CDH16: variants seen among roughly 807,000 people sequenced by gnomAD.
CDH16 encodes cadherin-16.
CDH16 carries 79 observed loss-of-function variants against 87.6 expected under a neutral mutation model. The observed-to-expected ratio is 0.90, with a 90% CI of 0.75 to 1.09. The LOEUF is 1.09. Among genes scored for constraint, CDH16 ranks in the 50% least tolerant of loss-of-function variants. The probability of loss-of-function intolerance (pLI) is 0.00; values close to 1 mark genes in which losing one functional copy is unlikely to be tolerated. For missense variants in CDH16, 1,124 were observed against 1,071.7 expected (o/e 1.05, Z -0.68); for synonymous variants, 457 against 439.5 (o/e 1.04, Z -0.50).
In CDH16 at chr16:66,912,848, G is replaced by A. The variant is rs201292764; in HGVS notation, c.1098C>T (p.Pro366=). 4.0e-4 allele frequency: 651 copies of A among 1,612,982 alleles called. 1 individual carries two copies. The highest frequency in any genetic ancestry group is 5.1e-4 in the Non-Finnish European group (607 of 1,179,918). The stretch of plus-strand genomic sequence containing the variant: ...ACACAACGTGGGAATTGGGGGAGCC[G>A]GGGGCATCTGCATCCTCTGCTGACA... ...TRLSAEDADA[P]GSPNSHVVYQ... Residue 366 remains proline (P), a synonymous_variant, in exon 10 of 18, where the codon CCC becomes CCT. Transcript: ENST00000299752.
intron 14 of CDH16, 119 bp from the exon 15 acceptor site, chr16:66,910,621 C>A (rs1962371076): frequency 9.3e-7 from 1 of 1,073,666 alleles, no homozygotes; most frequent in African/African-American, 1.6e-5. Flanking sequence ...TGCCATGCTC[C>A]CTCCATGCTT....
In CDH16 at chr16:66,914,240, G is replaced by A. The variant is rs763071477; in HGVS notation, c.756C>T (p.Val252=). The change falls in exon 7 of 18, where the codon GTC becomes GTT. Residue 252 remains valine, a synonymous_variant. Transcript: ENST00000299752. ...EPIHLAENLK[V]LYPHHMAQVH... ...CCTGGGCCATGTGGTGCGGGTATAG[G>A]ACTTTGAGATTCTCTGCCAGGTGGA... 6.2e-7 allele frequency: 1 copy of A among 1,614,162 alleles called. No individual in the cohort carries two copies. The highest frequency in any genetic ancestry group is 8.5e-7 in the Non-Finnish European group (1 of 1,179,996).
chr16:66,913,118 T>A lies in CDH16; in HGVS notation c.1054+13A>T. 6.2e-7 allele frequency: 1 copy of A among 1,601,382 alleles called. No individual in the cohort carries two copies. Among genetic ancestry groups the A allele is most frequent in the Non-Finnish European group, 8.5e-7 (1 of 1,173,898 alleles). ...TAATAGAGACTTCGTCCCTCTCCCA[T>A]CCTGTAGCTCACCTGGTGGACTGAG... On this transcript the variant is annotated intron_variant, in intron 9 of 17. Transcript: ENST00000299752.
Position 66,915,247 on chromosome 16 carries a change from G to C in CDH16, c.556C>G (p.Leu186Val), listed in dbSNP as rs1297799584. 1 of 1,612,940 alleles carries C rather than the reference G, an allele frequency of 6.2e-7. No individual in the cohort carries two copies. Among genetic ancestry groups the C allele is most frequent in the East Asian group, 2.2e-5 (1 of 44,856 alleles). Reference protein sequence around the residue: ...SPDMFQLEPRLGALALSPKGS... With the variant: ...SPDMFQLEPRVGALALSPKGS... ...TTGGGGCTGAGGGCCAGAGCCCCCA[G>C]CCGAGGCTCCAGCTGGAACATGTCT... Residue 186 changes from leucine (L) to valine (V), a missense_variant, in exon 6 of 18, where the codon CTG becomes GTG. Physicochemically the swap from Leu to Val is conservative, Grantham distance 32. Coordinates refer to ENST00000299752, the MANE Select transcript of CDH16 (RefSeq NM_004062.4).
Position 66,911,300 on chromosome 16 carries a change from A to C in CDH16, c.1806T>G (p.Asn602Lys). 1 of 1,613,484 alleles carries C rather than the reference A, an allele frequency of 6.2e-7. No homozygotes were observed. ...CAATGCAGAGCCAGCCCTCTGAGTC[A>C]TTGACTAGGGAGAACCTGCCGCCCA... The part of the protein sequence containing the change: ...ISRTLRFSLV[N>K]DSEGWLCIEK... The change falls in exon 14 of 18, where the codon AAT (asparagine) becomes AAG (lysine). Residue 602 changes from asparagine (N) to lysine (K), a missense_variant. Transcript: ENST00000299752.
At chr16:66,911,374 A>T (rs1962409425) in intron 13 of CDH16, 59 bp from the exon 14 acceptor site, 1 of 1,567,268 alleles carries the variant, frequency 6.4e-7, no homozygotes, top group African/African-American at 1.4e-5. Flanking sequence ...TTTTGCTCAG[A>T]ATCCCCCAGG....
At chr16:66,915,825 G>A (rs1480009964) in intron 5 of CDH16, among the ~76,000 whole-genome samples, 1 of 152,240 alleles carries the variant, frequency 6.6e-6, no homozygotes, top group Non-Finnish European at 1.5e-5. Context: ...AAACCTAGGA[G>A]GTGGAGGTTG....
chr16:66,915,820 T>A (rs1236911377), intron 5 of CDH16, among the ~76,000 whole-genome samples: 1 of 151,972 alleles, frequency 6.6e-6, no homozygotes, highest in Non-Finnish European at 1.5e-5. Flanking sequence ...TGCTTAAACC[T>A]AGGAGGTGGA....
At position 66,909,531 on chromosome 16, in the gene CDH16, C is replaced by G; in HGVS notation, c.2276-148G>C. 1.6e-6 allele frequency: 1 copy of G among 639,136 alleles called. No individual in the cohort carries two copies. The allele number at this position is 639,136 out of a possible 1,614,324, so 39.6% of individuals were successfully genotyped here. On this transcript the variant is annotated intron_variant, in intron 16 of 17. Transcript: ENST00000299752. The surrounding 1 kb of genome is among the most constrained non-coding windows in gnomAD (Gnocchi z 4.1). ...TGTGAAGATATATGCGCTAGCCAGG[C>G]GTGGTGGCTCACACCTGTAATCCCA...
In CDH16 at chr16:66,909,974, G is replaced by A; in HGVS notation, c.2275+12C>T. 1.9e-6 allele frequency: 3 copies of A among 1,584,668 alleles called. No individual in the cohort carries two copies. Among genetic ancestry groups the A allele is most frequent in the Non-Finnish European group, 2.6e-6 (3 of 1,162,686 alleles). On this transcript the variant is annotated intron_variant, in intron 16 of 17. Transcript: ENST00000299752. The surrounding 1 kb of genome is among the most constrained non-coding windows in gnomAD (Gnocchi z 4.1). ...CTCAGGAACTGCAGGCTGCACCCAA[G>A]CCCAATCTCACCTCGAACCAGGAGC...
chr16:66,909,655 G>A lies in CDH16; in HGVS notation c.2276-272C>T, dbSNP rs1567529882. ...TACTAAAAATACAAAAATTAGCAGG[G>A]CATGATGGTGCACACCTGTAATCCC... On this transcript the variant is annotated intron_variant, in intron 16 of 17. Transcript: ENST00000299752. This position sits in a 1 kb window ranked among gnomAD's most constrained non-coding sequence, Gnocchi z 4.1. Among the ~76,000 whole-genome samples the A allele has an allele frequency of 1.3e-5, 2 of 152,172 alleles. No homozygotes were observed. The highest frequency in any genetic ancestry group is 4.8e-5 in the African/African-American group (2 of 41,432).
rs1962240022 is a variant in CDH16, at chr16:66,908,143, C to T, written c.*249G>A. ...GACATACCAATCCCATAGGGCCCAG[C>T]CCAGTTCTCTGGGGCTTTATTATTG... is the stretch of plus-strand genomic sequence containing the variant. On this transcript the variant is annotated 3_prime_UTR_variant, in exon 18 of 18. Coordinates refer to ENST00000299752, the MANE Select transcript of CDH16 (RefSeq NM_004062.4). 2.0e-5 allele frequency: 11 copies of T among 547,522 alleles called. No individual in the cohort carries two copies. In the East Asian group the frequency reaches 3.3e-4, roughly 16 times the overall value. 33.9% of individuals were successfully genotyped at this position (547,522 alleles called of 1,614,324 possible). A position where few individuals can be genotyped will look rare whatever the true frequency, so the allele number is the denominator to read the frequency against.
chr16:66,910,335 C>T lies in CDH16; in HGVS notation c.2092G>A (p.Gly698Arg). The change falls in exon 15 of 18, where the codon GGG becomes AGG. Residue 698 changes from glycine to arginine, a missense_variant. By Grantham distance (125) the Gly-to-Arg change is moderately radical. Transcript: ENST00000299752. Reference sequence around the variant, plus strand: ...AGGGTGAAGCTGTAGGGACCGTGCCCACTGGCCAGATCGGGGTCCTTGCTG... The same window carrying T: ...AGGGTGAAGCTGTAGGGACCGTGCCTACTGGCCAGATCGGGGTCCTTGCTG... The part of the protein sequence containing the change: ...GPSKDPDLAS[G>R]HGPYSFTLGP... 1 of 1,613,808 alleles carries T rather than the reference C, an allele frequency of 6.2e-7. No homozygotes were observed. The highest frequency in any genetic ancestry group is 8.5e-7 in the Non-Finnish European group (1 of 1,179,884).
intron 13 of CDH16, 24 bp from the exon 14 acceptor site, chr16:66,911,339 G>A (rs1301539623): frequency 1.2e-6 from 2 of 1,610,528 alleles, no homozygotes; most frequent in Admixed American, 1.7e-5. Context: ...AAGGAGGTGA[G>A]GAGGTACTGG....
chr16:66,918,034 ACACAAAGCAGC>A lies in CDH16; in HGVS notation c.21_31del (p.Trp7CysfsTer39), dbSNP rs1197844936. On this transcript the variant is annotated frameshift_variant, in exon 2 of 18. Transcript: ENST00000299752. LOFTEE classifies it high-confidence loss of function. ...GGCCTAGCTCACCTGGGGGACGGAGACACAAAGCAGCCACAGCCAGGCAGGGACCATGGTCA... is the reference window on the plus strand; with the variant it reads ...GGCCTAGCTCACCTGGGGGACGGAGACACAGCCAGGCAGGGACCATGGTCA... 6.3e-7 allele frequency: 1 copy of A among 1,583,964 alleles called. No homozygotes were observed.
Position 66,912,088 on chromosome 16 carries a change from C to T in CDH16, c.1601G>A (p.Ser534Asn), listed in dbSNP as rs750345273. The T allele has an allele frequency of 6.2e-7, 1 of 1,613,886 alleles. No homozygotes were observed. Among genetic ancestry groups the T allele is most frequent in the Non-Finnish European group, 8.5e-7 (1 of 1,179,982 alleles). ...GCCTGGCCCCACCAGCTTCGCCACA[C>T]TCTGCACCACCACCACCACCTCATG... ...PSHEVVVVVQSVAKLVGPGPG... is the reference protein window; with the variant it reads ...PSHEVVVVVQNVAKLVGPGPG... Residue 534 changes from serine to asparagine, a missense_variant, in exon 13 of 18, where the codon AGT becomes AAT. By Grantham distance (46) the Ser-to-Asn change is conservative. Transcript: ENST00000299752.
In CDH16 at chr16:66,913,479, C is replaced by G. The variant is rs750948034; in HGVS notation, c.903+12G>C. ...CCCCCAGCCTGCATCCCTGGCTCCC[C>G]CTTCATATCACCTCAGCCTGGGCTT... On this transcript the variant is annotated intron_variant, in intron 8 of 17. Transcript: ENST00000299752. 3.7e-6 allele frequency: 6 copies of G among 1,613,968 alleles called. No homozygotes were observed. The highest frequency in any genetic ancestry group is 1.7e-5 in the Admixed American group (1 of 59,990).
At chr16:66,915,094 AC>A in intron 6 of CDH16, 125 bp downstream of exon 6, 1 of 887,430 alleles carries the variant, frequency 1.1e-6, no homozygotes, top group Non-Finnish European at 1.7e-6. Flanking sequence ...TGCTGTCTCC[AC>A]CTAGAGTGCC....
chr16:66,913,602 A>G lies in CDH16; in HGVS notation c.792T>C (p.Ser264=), dbSNP rs146881718. The change falls in exon 8 of 18, where the codon AGT becomes AGC. Residue 264 remains serine (S), a synonymous_variant. Transcript: ENST00000299752. ...YPHHMAQVHW[S]GGDVHYHLES... is the part of the protein sequence containing the mutation. ...CCAGGTGATAGTGCACATCACCCCC[A>G]CTCCAGTGTACCTGGGGGGGACACC... is the stretch of plus-strand genomic sequence containing the variant. The G allele has an allele frequency of 7.4e-6, 12 of 1,613,486 alleles. No individual in the cohort carries two copies. In the African/African-American group the frequency reaches 1.6e-4, roughly 22 times the overall value.
Sources: allele counts gnomAD v4.1 joint callset (sites outside exome capture counted in the v4.1 genomes callset), GRCh38; gene constraint gnomAD v4.1.1; non-coding constraint Gnocchi (gnomAD v3.1); transcripts MANE v1.5; gene names NCBI Gene and HGNC (gene_info 2026-07-23, HGNC 2026-07-21).